DNAH5: variants seen among roughly 807,000 people sequenced by gnomAD.
DNAH5 encodes the protein axonemal beta dynein heavy chain 5.
In DNAH5, 372 loss-of-function variants were observed where a neutral mutation model predicts 518.2. The observed-to-expected ratio is 0.72, with a 90% CI of 0.66 to 0.78. The LOEUF is 0.78. Ranked by LOEUF, DNAH5 falls within the 30% of genes least tolerant of loss-of-function variation. The pLI, the probability that DNAH5 is intolerant of heterozygous loss-of-function variation, is 0.00. For missense variants in DNAH5, 5,523 were observed against 5,687.0 expected, an observed-to-expected ratio of 0.97 and a Z score of 0.93; for synonymous variants, 2,039 against 2,025.9, an observed-to-expected ratio of 1.01 and a Z score of -0.17.
At chr5:13,966,739 C>T (rs1053902879) in intron 1 of DNAH5, among the ~76,000 whole-genome samples, 4 of 152,130 alleles carry the variant, frequency 2.6e-5, no homozygotes, top group Admixed American at 6.6e-5. Flanking sequence ...TGTTCGAGTT[C>T]CTTGTAGATT....
rs772181765 is a variant in DNAH5, at chr5:13,735,841, G to A, written c.11547C>T (p.Gly3849=). 6.2e-7 allele frequency: 1 copy of A among 1,614,112 alleles called. No individual in the cohort carries two copies. Residue 3849 remains glycine, a synonymous_variant, in exon 67 of 79, where the codon GGC becomes GGT. Transcript: ENST00000265104. ...MYQTSLRQFL[G]LFDLSLARSV... is the part of the protein sequence containing the mutation. ...ACCTGGCTAAGGAAAGGTCAAATAA[G>A]CCCAGAAACTGGCGAAGCGAAGTCT...
chr5:13,829,676 AG>A lies in DNAH5; in HGVS notation c.6277del (p.Leu2093SerfsTer5), dbSNP rs1239294101. On this transcript the variant is annotated frameshift_variant, in exon 38 of 79. Coordinates refer to ENST00000265104, the MANE Select transcript of DNAH5 (RefSeq NM_001369.3). LOFTEE classifies it high-confidence loss of function. ...MNPGYAGRQELPENLKINFRS... is the reference protein window; with the variant it reads ...MNPGYAGRQEXPENLKINFRS... ...GAAATTAATCTTCAAGTTTTCAGGG[AG>A]TTCCTGCCGTCCGGCATAGCCAGGA... 6.2e-7 allele frequency: 1 copy of A among 1,614,196 alleles called. No individual in the cohort carries two copies. The highest frequency in any genetic ancestry group is 1.1e-5 in the South Asian group (1 of 91,084).
intron 1 of DNAH5, among the ~76,000 whole-genome samples, chr5:13,976,488 A>G (rs1295662311): frequency 6.6e-6 from 1 of 152,152 alleles, no homozygotes; most frequent in East Asian, 1.9e-4. Flanking sequence ...CTGGGTTAAC[A>G]TCTTAAACCA....
chr5:13,762,682 C>A, intron 60 of DNAH5, 40 bp downstream of exon 60: 1 of 1,598,226 alleles, frequency 6.3e-7, no homozygotes, highest in Admixed American at 1.7e-5. Context: ...CTGGAGACTC[C>A]GCCCAGCCAC....
At chr5:13,702,231 G>T (rs1422042036) in intron 76 of DNAH5, among the ~76,000 whole-genome samples, 2 of 152,140 alleles carry the variant, frequency 1.3e-5, no homozygotes, top group Non-Finnish European at 2.9e-5. Context: ...TTTTATGTAT[G>T]AATAAATGTA....
At chr5:13,760,262 C>T (rs192967585) in intron 60 of DNAH5, among the ~76,000 whole-genome samples, 2 of 152,302 alleles carry the variant, frequency 1.3e-5, no homozygotes, top group African/African-American at 2.4e-5. Flanking sequence ...TCAACAATTG[C>T]TAATCAAAAT....
intron 15 of DNAH5, 55 bp downstream of exon 15, chr5:13,900,151 T>A (rs1183770100): frequency 1.2e-5 from 17 of 1,469,826 alleles, no homozygotes; most frequent in East Asian, 2.3e-5. Context: ...CATATTTTTT[T>A]ATAATACATT....
intron 78 of DNAH5, among the ~76,000 whole-genome samples, chr5:13,697,393 G>A (rs145394646): frequency 6.6e-5 from 10 of 152,186 alleles, no homozygotes; most frequent in Non-Finnish European, 1.3e-4. Flanking sequence ...GAGAACCTTC[G>A]TGTTCCTAAT....
At chr5:13,965,511 G>T (rs1781470158) in intron 1 of DNAH5, among the ~76,000 whole-genome samples, 1 of 152,090 alleles carries the variant, frequency 6.6e-6, no homozygotes, top group Non-Finnish European at 1.5e-5. Flanking sequence ...ACAAAGTCTT[G>T]TTTCACATAT....
Position 13,886,094 on chromosome 5 carries a change from A to G in DNAH5, c.2613T>C (p.Phe871=). 6.2e-7 allele frequency: 1 copy of G among 1,604,312 alleles called. No individual in the cohort carries two copies. The change falls in exon 18 of 79, where the codon TTT becomes TTC. Residue 871 remains phenylalanine (F), a synonymous_variant. Transcript: ENST00000265104. ...CTGCCTCCTCCACTAATGAGCTTTT[A>G]AAATGTAGTATTTGTGCACCATTTA... ...LCVNGAQILH[F]KSSLVEEAVN...
At position 13,770,626 on chromosome 5, in the gene DNAH5, C is replaced by T. The variant is rs909963475; in HGVS notation, c.9605+123G>A. On this transcript the variant is annotated intron_variant, in intron 56 of 78. Coordinates refer to ENST00000265104, the MANE Select transcript of DNAH5 (RefSeq NM_001369.3). Reference sequence around the variant, plus strand: ...ATGCCAGCAGTACCCCTTCCCTGCCCTGCCGCCACAGCTATGATACACAAA... The same window carrying T: ...ATGCCAGCAGTACCCCTTCCCTGCCTTGCCGCCACAGCTATGATACACAAA... 2.8e-5 allele frequency: 24 copies of T among 856,678 alleles called. No homozygotes were observed. In the Admixed American group the frequency reaches 4.7e-4, roughly 17 times the overall value. The allele number at this position is 856,678 out of a possible 1,614,324, so 53.1% of individuals were successfully genotyped here. A position where few individuals can be genotyped will look rare whatever the true frequency, so the allele number is the denominator to read the frequency against.
intron 30 of DNAH5, among the ~76,000 whole-genome samples, chr5:13,851,776 T>A (rs1192742606): frequency 6.6e-6 from 1 of 152,158 alleles, no homozygotes; most frequent in East Asian, 1.9e-4. Flanking sequence ...AACATGGGAA[T>A]CCTGGGCAAG....
chr5:14,011,699 C>CCCCCGGTGCAGGGAGGA (rs1561083654), exon 1 of DNAH5, among the ~76,000 whole-genome samples: 1 of 152,116 alleles, frequency 6.6e-6, no homozygotes, highest in Admixed American at 6.5e-5. Flanking sequence ...TCGTAGCGCT[C>CCCCCGGTGCAGGGAGGA]CCCCGGTGCA....
At chr5:13,738,839 A>G (rs2126630342) in intron 65 of DNAH5, among the ~76,000 whole-genome samples, 1 of 152,326 alleles carries the variant, frequency 6.6e-6, no homozygotes, top group Non-Finnish European at 1.5e-5. Flanking sequence ...TCAAAAATGG[A>G]AAGAACAATA....
At chr5:13,866,373 T>C in intron 25 of DNAH5, 91 bp from the exon 26 acceptor site, 1 of 1,050,024 alleles carries the variant, frequency 9.5e-7, no homozygotes, top group Non-Finnish European at 1.4e-6. Context: ...AAAGTTAGGT[T>C]TCATGCATGA....
intron 8 of DNAH5, among the ~76,000 whole-genome samples, chr5:13,916,789 A>T (rs1343305753): frequency 6.6e-6 from 1 of 151,244 alleles, no homozygotes; most frequent in Non-Finnish European, 1.5e-5. Flanking sequence ...CTAAAAGATT[A>T]AAAAAAAACA....
chr5:13,923,421 T>A lies in DNAH5; in HGVS notation c.297A>T (p.Gly99=), dbSNP rs794727633. The change falls in exon 4 of 79, where the codon GGA becomes GGT. Residue 99 remains glycine (G), a synonymous_variant. Transcript: ENST00000265104. The part of the protein sequence containing the change: ...EAETGQLGSL[G]GVNLVSGKIK... ...TCTTTCCAGAAACAAGATTTACCCC[T>A]CCTAGAGAGCCAAGTTGTCCTACAA... 1.9e-6 allele frequency: 3 copies of A among 1,614,004 alleles called. No individual in the cohort carries two copies. The highest frequency in any genetic ancestry group is 2.5e-6 in the Non-Finnish European group (3 of 1,179,982).
intron 24 of DNAH5, among the ~76,000 whole-genome samples, chr5:13,869,155 A>G (rs1769715236): frequency 1.3e-5 from 2 of 152,158 alleles, no homozygotes; most frequent in Non-Finnish European, 2.9e-5. Context: ...AACACAGCAG[A>G]AGTGAAAATG....
chr5:13,965,782 G>A (rs550795739), intron 1 of DNAH5, among the ~76,000 whole-genome samples: 1 of 152,260 alleles, frequency 6.6e-6, no homozygotes, highest in South Asian at 2.1e-4. Flanking sequence ...AACAGCTGTA[G>A]TGAGCTGAAT....
Sources: gnomAD v4.1 joint callset for allele counts (sites outside exome capture counted in the v4.1 genomes callset) on GRCh38, gnomAD v4.1.1 for gene constraint, MANE v1.5 for transcripts, NCBI Gene and HGNC (gene_info 2026-07-23, HGNC 2026-07-21) for gene names.